FYN: variants seen among roughly 807,000 people sequenced by gnomAD.
FYN encodes tyrosine-protein kinase Fyn.
FYN carries 10 observed loss-of-function variants against 70.2 expected under a neutral mutation model. That is an observed-to-expected ratio of 0.14 (90% CI 0.09 to 0.24). The LOEUF (loss-of-function observed/expected upper bound fraction) is 0.24, where lower values mean the gene tolerates loss of function less well. FYN is among the 10% of genes least tolerant of loss of function. FYN has a pLI of 1.00. For missense variants in FYN, 319 were observed against 673.1 expected (o/e 0.47, Z 5.82); for synonymous variants, 236 against 248.6 (o/e 0.95, Z 0.48).
chr6:111,733,735 G>A (rs901421242), intron 3 of FYN, among the ~76,000 whole-genome samples: 5 of 152,170 alleles, frequency 3.3e-5, no homozygotes, highest in South Asian at 2.1e-4. Flanking sequence ...GAGTAGCCCC[G>A]TGGCACAAAG....
chr6:111,715,371 G>A (rs1171296076), intron 4 of FYN, among the ~76,000 whole-genome samples: 1 of 151,870 alleles, frequency 6.6e-6, no homozygotes, highest in African/African-American at 2.4e-5. Flanking sequence ...GTGACCTACT[G>A]TGCCCAACCC....
At chr6:111,871,341 A>C (rs1299530843) in intron 1 of FYN, among the ~76,000 whole-genome samples, 1 of 152,234 alleles carries the variant, frequency 6.6e-6, no homozygotes, top group African/African-American at 2.4e-5. Flanking sequence ...CCTTCATCTG[A>C]ATACAGGGTA....
rs535981596 is a variant in FYN at position 111,705,930 on chromosome 6, G to A, written c.444-1828C>T. On this transcript the variant is annotated intron_variant, in intron 6 of 13. Transcript: ENST00000354650. ...TCCCAAGTGCTGGGATTACAGGAGG[G>A]AGCCATCACGGTGGACCCTGTACAT... Among the ~76,000 whole-genome samples, 4 of 152,288 alleles carry A rather than the reference G, an allele frequency of 2.6e-5. No individual in the cohort carries two copies. The South Asian group carries it at 8.3e-4, about 32-fold the overall frequency.
chr6:111,763,089 T>C (rs796713821), intron 3 of FYN, among the ~76,000 whole-genome samples: 8 of 152,322 alleles, frequency 5.3e-5, no homozygotes, highest in South Asian at 2.1e-4. Flanking sequence ...TTTGAACCGA[T>C]TGTCAATCTG....
intron 3 of FYN, among the ~76,000 whole-genome samples, chr6:111,750,842 A>C (rs767490567): frequency 2.0e-5 from 3 of 152,150 alleles, no homozygotes; most frequent in African/African-American, 4.8e-5. Context: ...AAAAGCAAGA[A>C]AGGGGCAGCA....
chr6:111,690,367 T>C (rs1197253988), intron 12 of FYN, among the ~76,000 whole-genome samples: 1 of 152,210 alleles, frequency 6.6e-6, no homozygotes, highest in Non-Finnish European at 1.5e-5. Flanking sequence ...CCGACTCATC[T>C]TTCTGGGCTT....
intron 3 of FYN, among the ~76,000 whole-genome samples, chr6:111,772,927 A>G (rs1481798929): frequency 6.6e-6 from 1 of 151,946 alleles, no homozygotes; most frequent in African/African-American, 2.4e-5. Context: ...TGAATATTAG[A>G]TAATATAAAA....
chr6:111,694,327 A>T lies in FYN; in HGVS notation c.1273+48T>A. On this transcript the variant is annotated intron_variant, in intron 12 of 13. Transcript: ENST00000354650. The surrounding 1 kb of genome is among the most constrained non-coding windows in gnomAD (Gnocchi z 5.0). ...GGAAGGAAGGGCTGTGCAGTAAGTG[A>T]CTGTTCTCACAGCTGTGATCACGAG... 1.9e-6 allele frequency: 3 copies of T among 1,605,976 alleles called. No homozygotes were observed. The highest frequency in any genetic ancestry group is 2.6e-6 in the Non-Finnish European group (3 of 1,173,716).
At chr6:111,756,939 C>T (rs1382497409) in intron 3 of FYN, among the ~76,000 whole-genome samples, 1 of 152,172 alleles carries the variant, frequency 6.6e-6, no homozygotes, top group African/African-American at 2.4e-5. Context: ...GCTATCCCTA[C>T]TTCCTATCCC....
chr6:111,683,551 CT>C (rs1431757056), intron 12 of FYN, among the ~76,000 whole-genome samples: 2 of 152,160 alleles, frequency 1.3e-5, no homozygotes. Context: ...GAGCTGTGCC[CT>C]AATAGCATTT....
At chr6:111,684,974 A>G (rs1217011417) in intron 12 of FYN, among the ~76,000 whole-genome samples, 1 of 152,242 alleles carries the variant, frequency 6.6e-6, no homozygotes, top group Admixed American at 6.5e-5. Flanking sequence ...AAAGGAAGTA[A>G]TATCAGAATA....
chr6:111,700,393 AGAC>A (rs1449500041), intron 8 of FYN, 125 bp from the exon 9 acceptor site: 2 of 882,766 alleles, frequency 2.3e-6, no homozygotes, highest in Admixed American at 2.4e-5. Flanking sequence ...CTACACCAGC[AGAC>A]GACCACACAC....
intron 3 of FYN, among the ~76,000 whole-genome samples, chr6:111,767,011 T>C (rs1803250657): frequency 6.6e-6 from 1 of 152,210 alleles, no homozygotes; most frequent in South Asian, 2.1e-4. Context: ...ATAGGGGATA[T>C]AGTTGTCCTA....
intron 2 of FYN, among the ~76,000 whole-genome samples, chr6:111,795,053 T>G (rs1318468160): frequency 6.6e-6 from 1 of 152,180 alleles, no homozygotes; most frequent in East Asian, 1.9e-4. Context: ...AAATTTAACT[T>G]GGTTGATTCT....
At position 111,832,246 on chromosome 6, in the gene FYN, G is replaced by C. The variant is rs949012679; in HGVS notation, c.-82+14343C>G. 2.0e-5 allele frequency among the ~76,000 whole-genome samples: 3 copies of C among 152,258 alleles called. No homozygotes were observed. The East Asian group carries it at 5.8e-4, about 29-fold the overall frequency. The stretch of plus-strand genomic sequence containing the variant: ...AAGTGCTTCCAGGGATAGCGCCGAA[G>C]GACTGGATTGTGTTAAATTCATTCC... On this transcript the variant is annotated intron_variant, in intron 2 of 13. Coordinates refer to ENST00000354650, the MANE Select transcript of FYN (RefSeq NM_002037.5).
At chr6:111,813,791 A>T (rs1481714311) in intron 2 of FYN, 1 of 152,238 alleles carries the variant, frequency 6.6e-6, no homozygotes, top group Non-Finnish European at 1.5e-5. Flanking sequence ...GGAGATGTTC[A>T]CTATGTGGTA....
intron 3 of FYN, among the ~76,000 whole-genome samples, chr6:111,743,919 G>A (rs1802093813): frequency 6.6e-6 from 1 of 152,156 alleles, no homozygotes; most frequent in South Asian, 2.1e-4. Flanking sequence ...TAGAAAAAAA[G>A]TGGCCTGAAA....
chr6:111,730,565 T>C (rs1350418669), intron 3 of FYN, among the ~76,000 whole-genome samples: 3 of 152,114 alleles, frequency 2.0e-5, no homozygotes, highest in Non-Finnish European at 4.4e-5. Flanking sequence ...TGGATGCCAA[T>C]TGGTGGGAGA....
At chr6:111,744,565 T>C (rs1802123916) in intron 3 of FYN, among the ~76,000 whole-genome samples, 1 of 152,166 alleles carries the variant, frequency 6.6e-6, no homozygotes, top group East Asian at 1.9e-4. Flanking sequence ...AACTTGTTCT[T>C]TGGAACAATC....
Sources: allele counts gnomAD v4.1 joint callset (sites outside exome capture counted in the v4.1 genomes callset), GRCh38; gene constraint gnomAD v4.1.1; non-coding constraint Gnocchi (gnomAD v3.1); transcripts MANE v1.5; gene names NCBI Gene and HGNC (gene_info 2026-07-23, HGNC 2026-07-21).